The following MS4A6A variants were observed in gnomAD, a reference collection of about 807,000 sequenced individuals.
The protein encoded by MS4A6A is membrane spanning 4-domains A6A, also known as membrane-spanning 4-domains subfamily A member 6A.
MS4A6A carries 19 observed loss-of-function variants against 20.6 expected under a neutral mutation model. The observed-to-expected ratio is 0.92, with a 90% CI of 0.64 to 1.36. The LOEUF is 1.36. Ranked by LOEUF, MS4A6A falls within the 40% of genes most tolerant of loss-of-function variation. The pLI is 0.00. For synonymous variants in MS4A6A, 108 were observed against 105.0 expected, an observed-to-expected ratio of 1.03 and a Z score of -0.17; for missense variants, 272 against 261.1, an observed-to-expected ratio of 1.04 and a Z score of -0.29.
intron 2 of MS4A6A, chr11:60,180,834 A>C (rs1248578661): frequency 6.3e-6 from 2 of 315,454 alleles, no homozygotes; most frequent in African/African-American, 2.2e-5. Context: ...CACCTCAGAG[A>C]TTCACAGCTC....
chr11:60,183,109 T>C, upstream of MS4A6A: 1 of 1,532,548 alleles, frequency 6.5e-7, no homozygotes, highest in Non-Finnish European at 8.7e-7. Context: ...TTCCAGTGTT[T>C]ACAGCTATAC....
upstream of MS4A6A, chr11:60,183,367 T>C (rs536230586): frequency 3.8e-5 from 22 of 577,090 alleles, no homozygotes; most frequent in South Asian, 1.4e-4. Context: ...CACTGGAGAA[T>C]TGTCATAAAG....
At chr11:60,177,970 C>T (rs1227957485) in intron 4 of MS4A6A, 1 of 341,708 alleles carries the variant, frequency 2.9e-6, no homozygotes, top group Non-Finnish European at 5.3e-6. Flanking sequence ...CCAGTTATCA[C>T]CGAAAGAACC....
chr11:60,177,401 C>A (rs1408647158), intron 4 of MS4A6A: 2 of 152,140 alleles, frequency 1.3e-5, no homozygotes, highest in African/African-American at 4.8e-5. Context: ...CTCACATAAT[C>A]TCCAACATCA....
chr11:60,175,674 GC>G, intron 4 of MS4A6A, 63 bp from the exon 5 acceptor site: 1 of 1,536,874 alleles, frequency 6.5e-7, no homozygotes, highest in Non-Finnish European at 9.0e-7. Context: ...ATGCATCTTT[GC>G]CATTAAATTG....
chr11:60,176,269 G>A (rs1856831571), intron 4 of MS4A6A, among the ~76,000 whole-genome samples: 1 of 152,162 alleles, frequency 6.6e-6, no homozygotes, highest in African/African-American at 2.4e-5. Context: ...TCTAGGTGCA[G>A]GCCCAAGGAT....
intron 5 of MS4A6A, among the ~76,000 whole-genome samples, chr11:60,174,737 T>G (rs1856749132): frequency 6.6e-6 from 1 of 152,222 alleles, no homozygotes; most frequent in Non-Finnish European, 1.5e-5. Context: ...TTCATTATTT[T>G]TCTTCTTCCA....
chr11:60,184,492 C>A (rs1055896267), upstream of MS4A6A: 8 of 152,324 alleles, frequency 5.3e-5, no homozygotes, highest in Non-Finnish European at 8.8e-5. Context: ...GCAATCACAC[C>A]CCCTTTCCCT....
chr11:60,179,703 C>T (rs781760375), intron 3 of MS4A6A, 128 bp downstream of exon 3: 7 of 1,070,830 alleles, frequency 6.5e-6, no homozygotes, highest in Non-Finnish European at 8.7e-6. Context: ...GACAGGAGAA[C>T]AAGATTCACC....
At chr11:60,182,814 G>A (rs113644142) in intron 1 of MS4A6A, 164 bp downstream of exon 1, 42 of 213,052 alleles carry the variant, frequency 2.0e-4, no homozygotes, top group African/African-American at 8.8e-4. Flanking sequence ...AGAATACAGC[G>A]GACACAGAGT....
intron 3 of MS4A6A, chr11:60,179,538 A>G (rs1857018026): frequency 3.5e-6 from 2 of 567,600 alleles, no homozygotes; most frequent in Non-Finnish European, 3.1e-6. Flanking sequence ...ATCCTAATTC[A>G]TGGATTTTTT....
intron 3 of MS4A6A, among the ~76,000 whole-genome samples, chr11:60,179,023 A>T (rs990612734): frequency 6.6e-6 from 1 of 152,182 alleles, no homozygotes. Context: ...CTTGGAACAG[A>T]AAAAGGTCAT....
chr11:60,175,470 A>T lies in MS4A6A; in HGVS notation c.481T>A (p.Tyr161Asn). 1 of 1,614,150 alleles carries T rather than the reference A, an allele frequency of 6.2e-7. No homozygotes were observed. The highest frequency in any genetic ancestry group is 1.1e-5 in the South Asian group (1 of 91,074). The part of the protein sequence containing the change: ...LDKNNIPTRS[Y>N]VSYFYHDSLY... ...GAATCATGATAAAAGTAAGAAACATAACTTCTTGTTGGTATATTATTTTTG... is the reference window on the plus strand; with the variant it reads ...GAATCATGATAAAAGTAAGAAACATTACTTCTTGTTGGTATATTATTTTTG... Residue 161 changes from tyrosine (Y) to asparagine (N), a missense_variant, in exon 5 of 6, where the codon TAT becomes AAT. Coordinates refer to ENST00000528851, the MANE Select transcript of MS4A6A (RefSeq NM_022349.4).
intron 3 of MS4A6A, chr11:60,179,471 G>A (rs1303655631): frequency 1.7e-6 from 1 of 573,120 alleles, no homozygotes; most frequent in African/African-American, 1.9e-5. Flanking sequence ...GTGAGTGTGT[G>A]ATGTCTTCCA....
Position 60,172,688 on chromosome 11 carries a change from C to G in MS4A6A, c.*313G>C. On this transcript the variant is annotated 3_prime_UTR_variant, in exon 6 of 6. Coordinates refer to ENST00000528851, the MANE Select transcript of MS4A6A (RefSeq NM_022349.4). ...GTTTCTGCTTATAAGGGAGGCAAGC[C>G]AGGTTCTAGTGTCCTCAGCAAAGGC... The G allele has an allele frequency of 8.5e-7, 1 of 1,180,076 alleles. No homozygotes were observed. Among genetic ancestry groups the G allele is most frequent in the Non-Finnish European group, 1.1e-6 (1 of 943,626 alleles). 73.1% of individuals were successfully genotyped at this position (1,180,076 alleles called of 1,614,324 possible).
At position 60,181,613 on chromosome 11, in the gene MS4A6A, T is replaced by C; in HGVS notation, c.115A>G (p.Lys39Glu). ...ACTTTGATTTCTGCGTGTAGATGTTTCTTCAGGCTATCCTGCCCCTGGTTG... is the reference window on the plus strand; with the variant it reads ...ACTTTGATTTCTGCGTGTAGATGTTCCTTCAGGCTATCCTGCCCCTGGTTG... ...PTNQGQDSLK[K>E]HLHAEIKVIG... The change falls in exon 2 of 6, where the codon AAA (lysine) becomes GAA (glutamate). Residue 39 changes from lysine (K) to glutamate (E), a missense_variant. Lys to Glu is a moderately conservative substitution (Grantham distance 56). Coordinates refer to ENST00000528851, the MANE Select transcript of MS4A6A (RefSeq NM_022349.4). 1 of 1,614,044 alleles carries C rather than the reference T, an allele frequency of 6.2e-7. No homozygotes were observed. Among genetic ancestry groups the C allele is most frequent in the Non-Finnish European group, 8.5e-7 (1 of 1,179,986 alleles).
upstream of MS4A6A, chr11:60,183,714 C>T (rs1321343965): frequency 6.6e-6 from 1 of 152,410 alleles, no homozygotes; most frequent in Non-Finnish European, 1.5e-5. Flanking sequence ...TGCCCAACTG[C>T]TGCCTACCCT....
intron 4 of MS4A6A, chr11:60,177,338 G>T (rs1280717354): frequency 1.3e-5 from 2 of 151,998 alleles, no homozygotes; most frequent in Non-Finnish European, 2.9e-5. Context: ...GGAGATTTTT[G>T]TAGCCAGAGC....
rs1354468341 is a variant in MS4A6A at position 60,175,604 on chromosome 11, C to T, written c.347G>A (p.Ser116Asn). Residue 116 changes from serine (S) to asparagine (N), a missense_variant, in exon 5 of 6, where the codon AGC becomes AAC. Coordinates refer to ENST00000528851, the MANE Select transcript of MS4A6A (RefSeq NM_022349.4). ...ACTCAGAATGCTTCCAACCAGGCTG[C>T]TATGCACCTGAAAGAGAAATGTTGG... is the stretch of plus-strand genomic sequence containing the variant. ...EKRLTKLLVHSSLVGSILSAL... is the reference protein window; with the variant it reads ...EKRLTKLLVHNSLVGSILSAL... The T allele has an allele frequency of 9.9e-6, 16 of 1,613,194 alleles. No individual in the cohort carries two copies. Among genetic ancestry groups the T allele is most frequent in the South Asian group, 2.2e-5 (2 of 91,038 alleles).
Sources: allele counts gnomAD v4.1 joint callset (sites outside exome capture counted in the v4.1 genomes callset), GRCh38; gene constraint gnomAD v4.1.1; transcripts MANE v1.5; gene names NCBI Gene and HGNC (gene_info 2026-07-23, HGNC 2026-07-21).